The following ANO10 variants were observed in gnomAD, a reference collection of about 807,000 sequenced individuals.
The protein encoded by ANO10 is anoctamin-10.
ANO10 carries 77 observed loss-of-function variants against 74.7 expected under a neutral mutation model. That is an observed-to-expected ratio of 1.03 (90% CI 0.86 to 1.25). ANO10 has a LOEUF of 1.25. Among genes scored for constraint, ANO10 ranks in the 50% most tolerant of loss-of-function variants. The pLI is 0.00. For missense variants in ANO10, 721 were observed against 778.1 expected (o/e 0.93, Z 0.87); for synonymous variants, 279 against 284.9 (o/e 0.98, Z 0.21).
intron 1 of ANO10, among the ~76,000 whole-genome samples, chr3:43,654,774 T>C (rs2149570207): frequency 1.3e-5 from 2 of 152,322 alleles, no homozygotes; most frequent in African/African-American, 4.8e-5. Context: ...TCAGTCAGAA[T>C]GGATGACTGC....
chr3:43,526,317 A>G (rs1403113207), intron 11 of ANO10, among the ~76,000 whole-genome samples: 2 of 152,168 alleles, frequency 1.3e-5, no homozygotes, highest in Non-Finnish European at 2.9e-5. Flanking sequence ...TCCTCACTGG[A>G]TTTAGATATG....
At chr3:43,565,776 GTACTT>G in intron 7 of ANO10, 49 bp from the exon 8 acceptor site, 1 of 1,522,150 alleles carries the variant, frequency 6.6e-7, no homozygotes, top group Non-Finnish European at 8.9e-7. Flanking sequence ...CTGCTTTAGA[GTACTT>G]TACTACAACT....
chr3:43,485,165 G>T, intron 11 of ANO10: 1 of 736,982 alleles, frequency 1.4e-6, no homozygotes, highest in Admixed American at 1.9e-5. Flanking sequence ...TGGCGCGGTA[G>T]CACTGGGTGA....
At chr3:43,635,660 A>G (rs865938353) in intron 1 of ANO10, among the ~76,000 whole-genome samples, 2 of 145,178 alleles carry the variant, frequency 1.4e-5, no homozygotes, top group African/African-American at 5.1e-5. Context: ...TCGCTCTTTT[A>G]CCAGACTGGA....
At chr3:43,510,258 C>G (rs1457145462) in intron 11 of ANO10, among the ~76,000 whole-genome samples, 1 of 151,862 alleles carries the variant, frequency 6.6e-6, no homozygotes, top group East Asian at 1.9e-4. Context: ...GGTGAAACCC[C>G]GTCTCTACTA....
chr3:43,372,764 G>C (rs1273592390), intron 12 of ANO10: 2 of 1,320,630 alleles, frequency 1.5e-6, no homozygotes, highest in Middle Eastern at 3.6e-4. Flanking sequence ...GCCATGACTA[G>C]ACCCCAGGAC....
intron 7 of ANO10, among the ~76,000 whole-genome samples, chr3:43,574,274 CTT>C (rs561626586): frequency 2.0e-4 from 22 of 111,262 alleles, no homozygotes; most frequent in Admixed American, 3.7e-4. Context: ...TCCTTTCTTT[CTT>C]TTTTTTTTTT....
At chr3:43,471,360 A>T (rs904259164) in intron 11 of ANO10, among the ~76,000 whole-genome samples, 4 of 152,310 alleles carry the variant, frequency 2.6e-5, no homozygotes, top group Admixed American at 6.5e-5. Context: ...TTAAAATTCA[A>T]TGCTTAGGAA....
intron 4 of ANO10, among the ~76,000 whole-genome samples, chr3:43,586,410 C>A (rs1017570003): frequency 6.6e-6 from 1 of 152,126 alleles, no homozygotes; most frequent in Non-Finnish European, 1.5e-5. Context: ...GGAGAACGCA[C>A]TGCCAGGTAA....
chr3:43,562,756 A>C, intron 8 of ANO10, among the ~76,000 whole-genome samples: 1 of 152,200 alleles, frequency 6.6e-6, no homozygotes, highest in Non-Finnish European at 1.5e-5. Context: ...CCAGGTATCT[A>C]TATGCAGAAG....
chr3:43,554,082 G>T (rs1575412874), intron 10 of ANO10, among the ~76,000 whole-genome samples: 1 of 151,470 alleles, frequency 6.6e-6, no homozygotes, highest in Non-Finnish European at 1.5e-5. Flanking sequence ...TAAAATCTCT[G>T]TCCAATATTT....
chr3:43,512,254 G>A (rs2077537669), intron 11 of ANO10, among the ~76,000 whole-genome samples: 1 of 152,124 alleles, frequency 6.6e-6, no homozygotes, highest in African/African-American at 2.4e-5. Flanking sequence ...ACAACTCTAG[G>A]CACAGAAGAA....
intron 11 of ANO10, among the ~76,000 whole-genome samples, chr3:43,538,695 G>A (rs747867606): frequency 1.3e-5 from 2 of 152,162 alleles, no homozygotes; most frequent in Non-Finnish European, 2.9e-5. Flanking sequence ...GGACTTGAGG[G>A]TGGTTGGACC....
chr3:43,504,304 A>G (rs13060845), intron 11 of ANO10, among the ~76,000 whole-genome samples: 2,963 of 40,868 alleles, frequency 0.073, 40 homozygotes, highest in East Asian at 0.36. Context: ...AGGTAGGTAG[A>G]TAGATAGATA....
rs2079685233 is a variant in ANO10 at position 43,555,292 on chromosome 3, T to C, written c.1654A>G (p.Ile552Val). 1 of 1,614,070 alleles carries C rather than the reference T, an allele frequency of 6.2e-7. No homozygotes were observed. Among genetic ancestry groups the C allele is most frequent in the Non-Finnish European group, 8.5e-7 (1 of 1,179,944 alleles). The change falls in exon 10 of 13, where the codon ATT becomes GTT. Residue 552 changes from isoleucine (I) to valine (V), a missense_variant. Physicochemically the swap from Ile to Val is conservative, Grantham distance 29. Coordinates refer to ENST00000292246, the MANE Select transcript of ANO10 (RefSeq NM_018075.5). ...CAAACAATTACCTGCCACACACCAA[T>C]ATTGGCTGAAGGTTCTGAGAATGGA... ...KRPFSEPSAN[I>V]GVWQLAFETM...
Position 43,455,712 on chromosome 3 carries a change from A to C in ANO10, c.1798-22985T>G, listed in dbSNP as rs144377327. On this transcript the variant is annotated intron_variant, in intron 11 of 12. Transcript: ENST00000292246. ...TTCACTGGGCTGGGCTGCATGTGTG[A>C]TCTTTTCCTCAGGGTTTCTGAATAA... 2.3e-3 allele frequency among the ~76,000 whole-genome samples: 351 copies of C among 152,238 alleles called. 2 individuals are homozygous for C. The highest frequency in any genetic ancestry group is 8.1e-3 in the African/African-American group (337 of 41,536).
intron 11 of ANO10, among the ~76,000 whole-genome samples, chr3:43,515,702 C>T (rs1411716341): frequency 2.0e-5 from 3 of 152,120 alleles, no homozygotes; most frequent in African/African-American, 7.2e-5. Context: ...AAAAGCACAG[C>T]TGATGAGTTG....
chr3:43,550,882 T>C (rs1376325818), intron 10 of ANO10, among the ~76,000 whole-genome samples: 1 of 152,202 alleles, frequency 6.6e-6, no homozygotes, highest in Non-Finnish European at 1.5e-5. Context: ...CAACCACTAT[T>C]TGCAATTTCT....
chr3:43,485,280 C>A (rs1057262543), intron 11 of ANO10: 70 of 600,458 alleles, frequency 1.2e-4, no homozygotes, highest in Non-Finnish European at 2.0e-4. Context: ...CCGCCCTTTG[C>A]CACCGTCGCA....
Sources: gnomAD v4.1 joint callset for allele counts (sites outside exome capture counted in the v4.1 genomes callset) on GRCh38, gnomAD v4.1.1 for gene constraint, MANE v1.5 for transcripts, NCBI Gene and HGNC (gene_info 2026-07-23, HGNC 2026-07-21) for gene names.